The following LTBP3 variants were observed in gnomAD, a reference collection of about 807,000 sequenced individuals.
LTBP3 encodes latent-transforming growth factor beta-binding protein 3.
A neutral mutation model predicts 159.7 loss-of-function variants in LTBP3; 97 were observed. That is an observed-to-expected ratio of 0.61 (90% CI 0.52 to 0.72). LTBP3 has a LOEUF of 0.72. LTBP3 is among the 30% of genes least tolerant of loss of function. LTBP3 has a pLI of 0.00. For missense variants in LTBP3, 1,584 were observed against 1,864.3 expected, an observed-to-expected ratio of 0.85 and a Z score of 2.77; for synonymous variants, 824 against 777.1, an observed-to-expected ratio of 1.06 and a Z score of -1.00.
Position 65,541,125 on chromosome 11 carries a change from C to G in LTBP3, c.2893+1G>C. 6.2e-7 allele frequency: 1 copy of G among 1,612,742 alleles called. No individual in the cohort carries two copies. Among genetic ancestry groups the G allele is most frequent in the Non-Finnish European group, 8.5e-7 (1 of 1,179,752 alleles). On this transcript the variant is annotated splice_donor_variant, in intron 20 of 27. Transcript: ENST00000301873. LOFTEE classifies it high-confidence loss of function. ...GGGAAGGGGCCTGCCCGGCTCCTGA[C>G]CTGAGCTGTAGACTGGGCAGGGGTA... is the stretch of plus-strand genomic sequence containing the variant.
chr11:65,540,013 C>T lies in LTBP3; in HGVS notation c.3385G>A (p.Glu1129Lys), dbSNP rs1336376702. 2.5e-5 allele frequency: 37 copies of T among 1,495,250 alleles called. No homozygotes were observed. The East Asian group carries it at 4.7e-4, about 19-fold the overall frequency. The allele number at this position is 1,495,250 out of a possible 1,614,324, so 92.6% of individuals were successfully genotyped here. A position where few individuals can be genotyped will look rare whatever the true frequency, so the allele number is the denominator to read the frequency against. Residue 1129 changes from glutamate to lysine, a missense_variant and splice_region_variant, in exon 24 of 28, where the codon GAG becomes AAG. Glu to Lys is a moderately conservative substitution (Grantham distance 56). This residue lies in a region of LTBP3 where 514 missense variants were observed against 530.3 expected (regional missense o/e 0.97). Transcript: ENST00000301873. ...RDCQLPESPA[E>K]RAPERRDVCW... ...GGCCAAGGCCAACCCTCGCCCTCAC[C>T]GGCCGGGCTCTCGGGGAGCTGGCAA...
At position 65,541,307 on chromosome 11, in the gene LTBP3, G is replaced by C; in HGVS notation, c.2726-14C>G. On this transcript the variant is annotated splice_polypyrimidine_tract_variant and intron_variant, in intron 19 of 27. Coordinates refer to ENST00000301873, the MANE Select transcript of LTBP3 (RefSeq NM_001130144.3). Reference sequence around the variant, plus strand: ...GCTGCTCCACCTCTGAGGGGCAGACGGCAGCTCAGGGTTGTGCACAGACCC... The same window carrying C: ...GCTGCTCCACCTCTGAGGGGCAGACCGCAGCTCAGGGTTGTGCACAGACCC... The C allele has an allele frequency of 6.2e-7, 1 of 1,607,512 alleles. No homozygotes were observed. Among genetic ancestry groups the C allele is most frequent in the Non-Finnish European group, 8.5e-7 (1 of 1,179,886 alleles).
intron 16 of LTBP3, 127 bp from the exon 17 acceptor site, chr11:65,543,676 T>G: frequency 8.1e-7 from 1 of 1,240,364 alleles, no homozygotes; most frequent in Admixed American, 1.7e-5. Context: ...AGCACAGGCC[T>G]CACCCTGCTT....
Position 65,547,211 on chromosome 11 carries a change from G to A in LTBP3, c.2107+228C>T, listed in dbSNP as rs934852478. ...AAAAATACAAAAATTAGGCGTGGTG[G>A]CAGGCGCCCGTAATCCCAGCTACTC... On this transcript the variant is annotated intron_variant, in intron 14 of 27. Transcript: ENST00000301873. This position sits in a 1 kb window ranked among gnomAD's most constrained non-coding sequence, Gnocchi z 4.6. Among the ~76,000 whole-genome samples, 1 of 152,180 alleles carries A rather than the reference G, an allele frequency of 6.6e-6. No homozygotes were observed.
rs1491140776 is a variant in LTBP3, at chr11:65,547,874, GTC to G, written c.1846+44_1846+45del. The G allele has an allele frequency of 1.2e-6, 2 of 1,613,028 alleles. No homozygotes were observed. Among genetic ancestry groups the G allele is most frequent in the African/African-American group, 2.7e-5 (2 of 74,878 alleles). On this transcript the variant is annotated intron_variant, in intron 12 of 27. Coordinates refer to ENST00000301873, the MANE Select transcript of LTBP3 (RefSeq NM_001130144.3). The surrounding 1 kb of genome is among the most constrained non-coding windows in gnomAD (Gnocchi z 4.6). ...GTCAAAGGAAGCGTCGTTATCTGGG[GTC>G]CCCCCCCACCCACCTGCATGCCCGC...
chr11:65,539,793 G>C lies in LTBP3; in HGVS notation c.3474C>G (p.Thr1158=). 1 of 1,544,078 alleles carries C rather than the reference G, an allele frequency of 6.5e-7. No individual in the cohort carries two copies. Among genetic ancestry groups the C allele is most frequent in the Non-Finnish European group, 8.7e-7 (1 of 1,152,244 alleles). The change falls in exon 25 of 28, where the codon ACC becomes ACG. Residue 1158 remains threonine, a synonymous_variant. Transcript: ENST00000301873. ...CAGPLAGPAL[T]FDDCCCRQGR... is the part of the protein sequence containing the mutation. ...CCTGGCGGCAGCAGCAGTCGTCGAA[G>C]GTGAGGGCAGGCCCGGCCAGGGGGC...
In LTBP3 at chr11:65,546,583, G is replaced by A. The variant is rs775589619; in HGVS notation, c.2231-19C>T. Reference sequence around the variant, plus strand: ...TTCACGTCTGCGGCGGAAAGACCTAGCCTCGGACTCTGCCCCACCGGAAGG... The same window carrying A: ...TTCACGTCTGCGGCGGAAAGACCTAACCTCGGACTCTGCCCCACCGGAAGG... On this transcript the variant is annotated intron_variant, in intron 15 of 27. Coordinates refer to ENST00000301873, the MANE Select transcript of LTBP3 (RefSeq NM_001130144.3). This position sits in a 1 kb window ranked among gnomAD's most constrained non-coding sequence, Gnocchi z 4.0. 11 of 1,600,958 alleles carry A rather than the reference G, an allele frequency of 6.9e-6. No homozygotes were observed. Among genetic ancestry groups the A allele is most frequent in the Admixed American group, 1.7e-5 (1 of 59,970 alleles).
Position 65,540,478 on chromosome 11 carries a change from G to A in LTBP3, c.3106+8C>T. ...GCTTCCCCACGGCCGCCGGGGGGCGGAGCTCACCCACGCATTCCAGCAGGT... is the reference window on the plus strand; with the variant it reads ...GCTTCCCCACGGCCGCCGGGGGGCGAAGCTCACCCACGCATTCCAGCAGGT... On this transcript the variant is annotated splice_region_variant and intron_variant, in intron 22 of 27. Coordinates refer to ENST00000301873, the MANE Select transcript of LTBP3 (RefSeq NM_001130144.3). The A allele has an allele frequency of 6.2e-7, 1 of 1,613,292 alleles. No individual in the cohort carries two copies. The highest frequency in any genetic ancestry group is 8.5e-7 in the Non-Finnish European group (1 of 1,179,796).
chr11:65,551,087 G>A (rs1856592772), intron 11 of LTBP3, 39 bp downstream of exon 11: 2 of 1,504,978 alleles, frequency 1.3e-6, no homozygotes, highest in African/African-American at 1.4e-5. Context: ...AAGTGGGGGC[G>A]TGGCCTAGGC....
Position 65,553,907 on chromosome 11 carries a change from G to T in LTBP3, c.662-4C>A. On this transcript the variant is annotated splice_region_variant and splice_polypyrimidine_tract_variant and intron_variant, in intron 2 of 27. Coordinates refer to ENST00000301873, the MANE Select transcript of LTBP3 (RefSeq NM_001130144.3). The surrounding 1 kb of genome is among the most constrained non-coding windows in gnomAD (Gnocchi z 6.5). The stretch of plus-strand genomic sequence containing the variant: ...ACCACGGGGGGCGGGGCCTGCACTG[G>T]GGGCGGGCGCGGTGGCCTCAGGGCT... The T allele has an allele frequency of 6.5e-7, 1 of 1,528,022 alleles. No individual in the cohort carries two copies. Among genetic ancestry groups the T allele is most frequent in the East Asian group, 2.4e-5 (1 of 41,686 alleles). The allele number at this position is 1,528,022 out of a possible 1,614,324, so 94.7% of individuals were successfully genotyped here. A position where few individuals can be genotyped will look rare whatever the true frequency, so the allele number is the denominator to read the frequency against.
Position 65,538,846 on chromosome 11 carries a change from T to C in LTBP3, c.*234A>G. ...AGAGGCACGATCTGATTTATCAGTT[T>C]CTAGGAAACACCCTCTGGGAGGAAG... On this transcript the variant is annotated 3_prime_UTR_variant, in exon 28 of 28. Coordinates refer to ENST00000301873, the MANE Select transcript of LTBP3 (RefSeq NM_001130144.3). 4 of 835,754 alleles carry C rather than the reference T, an allele frequency of 4.8e-6. No individual in the cohort carries two copies. The highest frequency in any genetic ancestry group is 6.8e-6 in the Non-Finnish European group (4 of 585,706). The allele number at this position is 835,754 out of a possible 1,614,324, so 51.8% of individuals were successfully genotyped here.
Position 65,540,569 on chromosome 11 carries a change from C to A in LTBP3, c.3023G>T (p.Gly1008Val), listed in dbSNP as rs773791660. 4 of 1,613,882 alleles carry A rather than the reference C, an allele frequency of 2.5e-6. No homozygotes were observed. The highest frequency in any genetic ancestry group is 3.4e-6 in the Non-Finnish European group (4 of 1,179,914). Residue 1008 changes from glycine to valine, a missense_variant, in exon 22 of 28, where the codon GGC (glycine) becomes GTC (valine). Gly to Val is a moderately radical substitution (Grantham distance 109). This residue lies in a region of LTBP3 where 514 missense variants were observed against 530.3 expected (regional missense o/e 0.97). Transcript: ENST00000301873. ...GCCAGGCTGCGTGTTCACGCACTTG[C>A]CCTCCTTGCAAATCTCCGACCCGAA... ...MLFGSEICKE[G>V]KCVNTQPGYE...
intron 24 of LTBP3, 58 bp from the exon 25 acceptor site, chr11:65,539,939 C>T: frequency 6.8e-7 from 1 of 1,467,070 alleles, no homozygotes; most frequent in Non-Finnish European, 9.0e-7. Flanking sequence ...CCCGCCTCCG[C>T]CCCACCCCAC....
Position 65,558,112 on chromosome 11 carries a change from C to T in LTBP3, c.-153G>A. On this transcript the variant is annotated 5_prime_UTR_variant, in exon 1 of 28. Transcript: ENST00000301873. ...GCGGGCGGGAGGGGACCGCGGGGGC[C>T]CGGCGGGAGGCGCGGAGATGCAGAC... The T allele has an allele frequency of 1.0e-5, 11 of 1,079,644 alleles. No homozygotes were observed. Among genetic ancestry groups the T allele is most frequent in the Non-Finnish European group, 1.0e-5 (9 of 889,778 alleles). 66.9% of individuals were successfully genotyped at this position (1,079,644 alleles called of 1,614,324 possible).
At position 65,554,071 on chromosome 11, in the gene LTBP3, G is replaced by A. The variant is rs778057021; in HGVS notation, c.641C>T (p.Pro214Leu). The A allele has an allele frequency of 8.7e-6, 14 of 1,605,228 alleles. No individual in the cohort carries two copies. The highest frequency in any genetic ancestry group is 2.2e-5 in the East Asian group (1 of 44,838). Residue 214 changes from proline (P) to leucine (L), a missense_variant, in exon 2 of 28, where the codon CCG becomes CTG. Physicochemically the swap from Pro to Leu is moderately conservative, Grantham distance 98. Coordinates refer to ENST00000301873, the MANE Select transcript of LTBP3 (RefSeq NM_001130144.3). This position sits in a 1 kb window ranked among gnomAD's most constrained non-coding sequence, Gnocchi z 5.3. ...GGTACCTTCTGCTGAGATCTGTCCCGGGCCTAGGGGCACCAGGAAGGCTGC... is the reference window on the plus strand; with the variant it reads ...GGTACCTTCTGCTGAGATCTGTCCCAGGCCTAGGGGCACCAGGAAGGCTGC... ...QHAAFLVPLGPGQISAEVQAP... is the reference protein window; with the variant it reads ...QHAAFLVPLGLGQISAEVQAP...
Position 65,558,237 on chromosome 11 carries a change from G to A in LTBP3, c.-278C>T, listed in dbSNP as rs984006022. 1.3e-5 allele frequency: 14 copies of A among 1,044,756 alleles called. No individual in the cohort carries two copies. The African/African-American group carries it at 2.3e-4, about 18-fold the overall frequency. 64.7% of individuals were successfully genotyped at this position (1,044,756 alleles called of 1,614,324 possible). The stretch of plus-strand genomic sequence containing the variant: ...GAGGAGGCCGGAGCAAGTTGAGGCG[G>A]AGAGGAGGAGCGAGGGAGAGGAAGG... On this transcript the variant is annotated 5_prime_UTR_variant, in exon 1 of 28. Coordinates refer to ENST00000301873, the MANE Select transcript of LTBP3 (RefSeq NM_001130144.3).
chr11:65,551,467 C>T lies in LTBP3; in HGVS notation c.1556G>A (p.Ser519Asn), dbSNP rs570380350. Residue 519 changes from serine to asparagine, a missense_variant, in exon 10 of 28, where the codon AGT becomes AAT. By Grantham distance (46) the Ser-to-Asn change is conservative. Coordinates refer to ENST00000301873, the MANE Select transcript of LTBP3 (RefSeq NM_001130144.3). Reference protein sequence around the residue: ...ERGVTTDSPVSEERSVQQSHP... With the variant: ...ERGVTTDSPVNEERSVQQSHP... The stretch of plus-strand genomic sequence containing the variant: ...GCTCTGCTGCACTGACCTCTCCTCA[C>T]TCACCGGCTGCGGGTGACAGCAGCA... 3.7e-4 allele frequency: 603 copies of T among 1,614,066 alleles called. 4 individuals carry two copies. The South Asian group carries it at 5.5e-3, about 15-fold the overall frequency.
At position 65,543,091 on chromosome 11, in the gene LTBP3, C is replaced by G; in HGVS notation, c.2596+14G>C. ...TGCCACATCCCTCAGGAACCCTCAG[C>G]CAGTCCCCCATACCTTGGCATTTCC... On this transcript the variant is annotated intron_variant, in intron 18 of 27. Transcript: ENST00000301873. The G allele has an allele frequency of 6.2e-7, 1 of 1,613,710 alleles. No individual in the cohort carries two copies. Among genetic ancestry groups the G allele is most frequent in the Non-Finnish European group, 8.5e-7 (1 of 1,179,922 alleles).
chr11:65,542,728 T>A, intron 18 of LTBP3: 1 of 325,228 alleles, frequency 3.1e-6, no homozygotes. Flanking sequence ...GATGAATGCA[T>A]GTGTATGGGT....
Sources: allele counts gnomAD v4.1 joint callset (sites outside exome capture counted in the v4.1 genomes callset), GRCh38; gene constraint gnomAD v4.1.1; regional missense constraint gnomAD v4.1.1; non-coding constraint Gnocchi (gnomAD v3.1); transcripts MANE v1.5; gene names NCBI Gene and HGNC (gene_info 2026-07-23, HGNC 2026-07-21).